The following CNTNAP2 variants were observed in gnomAD, a reference collection of about 807,000 sequenced individuals.
CNTNAP2 encodes the protein contactin associated protein 2, also known as contactin-associated protein-like 2.
In CNTNAP2, 98 loss-of-function variants were observed where a neutral mutation model predicts 155.2. That is an observed-to-expected ratio of 0.63 (90% CI 0.54 to 0.75). CNTNAP2 has a LOEUF of 0.75. Among genes scored for constraint, CNTNAP2 ranks in the 30% least tolerant of loss-of-function variants. The probability of loss-of-function intolerance (pLI) is 0.00; values close to 1 mark genes in which losing one functional copy is unlikely to be tolerated. For missense variants in CNTNAP2, 1,727 were observed against 1,688.1 expected (o/e 1.02, Z -0.40); for synonymous variants, 651 against 631.2 (o/e 1.03, Z -0.47).
At chr7:148,405,467 C>T (rs937296746) in intron 22 of CNTNAP2, among the ~76,000 whole-genome samples, 7 of 117,896 alleles carry the variant, frequency 5.9e-5, no homozygotes, top group Non-Finnish European at 8.4e-5. Flanking sequence ...CTCGCTCTGT[C>T]GCCAGGGTGG....
chr7:147,016,047 AGTACT>A (rs1798717650), intron 3 of CNTNAP2, among the ~76,000 whole-genome samples: 1 of 152,094 alleles, frequency 6.6e-6, no homozygotes, highest in African/African-American at 2.4e-5. Flanking sequence ...TCATTGCTTG[AGTACT>A]GTGCTCACCC....
chr7:147,526,066 C>T (rs945991370), intron 11 of CNTNAP2, among the ~76,000 whole-genome samples: 11 of 151,700 alleles, frequency 7.3e-5, no homozygotes, highest in African/African-American at 2.4e-4. Flanking sequence ...GTGGTGTGTG[C>T]CTGTAATCCC....
chr7:148,162,340 A>G lies in CNTNAP2; in HGVS notation c.2774-9902A>G, dbSNP rs1805563649. Reference sequence around the variant, plus strand: ...TTGACATCTGGGTTTATTAAAGTTTACTAAAATAGCTGTTAATAATTTTGA... The same window carrying G: ...TTGACATCTGGGTTTATTAAAGTTTGCTAAAATAGCTGTTAATAATTTTGA... On this transcript the variant is annotated intron_variant, in intron 17 of 23. Transcript: ENST00000361727. 1.3e-5 allele frequency among the ~76,000 whole-genome samples: 2 copies of G among 152,240 alleles called. 1 individual carries two copies. The highest frequency in any genetic ancestry group is 4.1e-4 in the South Asian group (2 of 4,828).
At chr7:146,767,029 C>A (rs1802207388) in intron 1 of CNTNAP2, among the ~76,000 whole-genome samples, 1 of 152,166 alleles carries the variant, frequency 6.6e-6, no homozygotes, top group African/African-American at 2.4e-5. Context: ...TATGTCCAAT[C>A]AGTTGATTTC....
intron 10 of CNTNAP2, among the ~76,000 whole-genome samples, chr7:147,418,850 C>T (rs1797242394): frequency 6.6e-6 from 1 of 152,104 alleles, no homozygotes; most frequent in Admixed American, 6.5e-5. Context: ...AAGTAAAAAG[C>T]TTTAGGTAAT....
Position 148,267,691 on chromosome 7 carries a change from A to C in CNTNAP2, c.3475+565A>C, listed in dbSNP as rs140761656. ...AAAAAAACAACCAAACAAACAAAAAACACATTGTGATTGGTAATGGGGGCT... is the reference window on the plus strand; with the variant it reads ...AAAAAAACAACCAAACAAACAAAAACCACATTGTGATTGGTAATGGGGGCT... On this transcript the variant is annotated intron_variant, in intron 21 of 23. Coordinates refer to ENST00000361727, the MANE Select transcript of CNTNAP2 (RefSeq NM_014141.6). Among the ~76,000 whole-genome samples the C allele has an allele frequency of 9.7e-3, 1,466 of 151,680 alleles. 23 individuals carry two copies. Among genetic ancestry groups the C allele is most frequent in the African/African-American group, 0.03 (1,253 of 41,300 alleles).
chr7:147,240,496 A>G (rs1803910851), intron 8 of CNTNAP2, among the ~76,000 whole-genome samples: 1 of 152,256 alleles, frequency 6.6e-6, no homozygotes, highest in Non-Finnish European at 1.5e-5. Flanking sequence ...CCCAAGCTCC[A>G]GGCGTTTCAC....
intron 1 of CNTNAP2, among the ~76,000 whole-genome samples, chr7:146,686,402 T>C (rs1800600612): frequency 6.6e-6 from 1 of 152,180 alleles, no homozygotes. Flanking sequence ...TTTCCATGGC[T>C]ACTTCCGAAA....
intron 3 of CNTNAP2, among the ~76,000 whole-genome samples, chr7:146,970,188 A>G (rs1231259534): frequency 2.0e-5 from 3 of 152,210 alleles, no homozygotes; most frequent in Non-Finnish European, 4.4e-5. Context: ...AGCAATGGCA[A>G]CAAAAGACAA....
chr7:148,186,221 C>T (rs1795112106), intron 18 of CNTNAP2, among the ~76,000 whole-genome samples: 1 of 152,170 alleles, frequency 6.6e-6, no homozygotes, highest in Admixed American at 6.5e-5. Context: ...TTTTATTAAA[C>T]ATTTCCTGTT....
intron 17 of CNTNAP2, among the ~76,000 whole-genome samples, chr7:148,169,147 G>C (rs1388033048): frequency 6.6e-6 from 1 of 152,220 alleles, no homozygotes; most frequent in Admixed American, 6.5e-5. Context: ...TGTATTCCCA[G>C]CAAAAAGCGA....
chr7:146,183,786 C>A (rs535399121), intron 1 of CNTNAP2, among the ~76,000 whole-genome samples: 1 of 152,128 alleles, frequency 6.6e-6, no homozygotes, highest in East Asian at 1.9e-4. Flanking sequence ...AACTCAGAAC[C>A]CTTTATAATA....
At chr7:146,125,477 A>G (rs1584760967) in intron 1 of CNTNAP2, among the ~76,000 whole-genome samples, 1 of 150,782 alleles carries the variant, frequency 6.6e-6, no homozygotes, top group South Asian at 2.1e-4. Flanking sequence ...TTGGAAGGCT[A>G]AGGCAGGAGA....
chr7:146,868,688 C>T (rs1469467105), intron 3 of CNTNAP2, among the ~76,000 whole-genome samples: 1 of 151,994 alleles, frequency 6.6e-6, no homozygotes, highest in Non-Finnish European at 1.5e-5. Flanking sequence ...TCTCTGATTT[C>T]CTTGAGCAGT....
intron 1 of CNTNAP2, among the ~76,000 whole-genome samples, chr7:146,156,012 CATT>C (rs143115502): frequency 0.012 from 1,762 of 152,140 alleles, 30 homozygotes; most frequent in African/African-American, 0.039. Flanking sequence ...GCGACAATAT[CATT>C]ATTATAAATA....
chr7:146,471,001 T>C (rs907294026), intron 1 of CNTNAP2, among the ~76,000 whole-genome samples: 1 of 152,132 alleles, frequency 6.6e-6, no homozygotes, highest in African/African-American at 2.4e-5. Context: ...ATGGACCCAA[T>C]TACCAATTTT....
At chr7:147,534,220 G>C (rs1799501550) in intron 11 of CNTNAP2, among the ~76,000 whole-genome samples, 1 of 152,144 alleles carries the variant, frequency 6.6e-6, no homozygotes, top group Non-Finnish European at 1.5e-5. Flanking sequence ...GGAGAGGCCA[G>C]TAACGCTGGT....
intron 8 of CNTNAP2, among the ~76,000 whole-genome samples, chr7:147,229,665 G>C (rs1249289675): frequency 6.6e-6 from 1 of 152,164 alleles, no homozygotes; most frequent in African/African-American, 2.4e-5. Flanking sequence ...CTCCTAGGTA[G>C]TAATCAATAT....
At chr7:147,905,087 T>C (rs1799937538) in intron 14 of CNTNAP2, among the ~76,000 whole-genome samples, 1 of 152,250 alleles carries the variant, frequency 6.6e-6, no homozygotes, top group African/African-American at 2.4e-5. Flanking sequence ...GCAACTCTTC[T>C]AGGCACTGGG....
Sources: gnomAD v4.1 joint callset for allele counts (sites outside exome capture counted in the v4.1 genomes callset) on GRCh38, gnomAD v4.1.1 for gene constraint, MANE v1.5 for transcripts, NCBI Gene and HGNC (gene_info 2026-07-23, HGNC 2026-07-21) for gene names.